Variants in MAP2K5 observed in about 807,000 individuals in gnomAD.
MAP2K5 encodes dual specificity mitogen-activated protein kinase kinase 5.
MAP2K5 carries 49 observed loss-of-function variants against 83.1 expected under a neutral mutation model. The observed-to-expected ratio is 0.59, with a 90% CI of 0.47 to 0.75. MAP2K5 has a LOEUF of 0.75. MAP2K5 is among the 30% of genes least tolerant of loss of function. The probability of loss-of-function intolerance (pLI) is 0.00; values close to 1 mark genes in which losing one functional copy is unlikely to be tolerated. For missense variants in MAP2K5, 457 were observed against 557.5 expected (o/e 0.82, Z 1.82); for synonymous variants, 202 against 191.8 (o/e 1.05, Z -0.44).
intron 21 of MAP2K5, among the ~76,000 whole-genome samples, chr15:67,795,652 C>A (rs186335031): frequency 6.6e-6 from 1 of 152,252 alleles, no homozygotes; most frequent in Non-Finnish European, 1.5e-5. Flanking sequence ...GTTTTTCCCC[C>A]CAGTGTTCTC....
intron 13 of MAP2K5, chr15:67,679,696 G>A (rs1293616936): frequency 6.6e-6 from 1 of 151,896 alleles, no homozygotes; most frequent in African/African-American, 2.4e-5. Flanking sequence ...TTTGTTATAG[G>A]GTAAGAGAGT....
intron 13 of MAP2K5, among the ~76,000 whole-genome samples, chr15:67,686,603 AAATAATAATAATAAT>A (rs57116318): frequency 2.8e-4 from 41 of 148,398 alleles, no homozygotes; most frequent in African/African-American, 4.7e-4. Context: ...ACTGTGTCTC[AAATAATAATAATAAT>A]AATAATAATA....
At chr15:67,740,334 G>A (rs543049602) in intron 17 of MAP2K5, among the ~76,000 whole-genome samples, 1 of 152,242 alleles carries the variant, frequency 6.6e-6, no homozygotes, top group African/African-American at 2.4e-5. Context: ...AAATCCTGAG[G>A]CTCTAAATCA....
chr15:67,638,656 C>T lies in MAP2K5; in HGVS notation c.586-7575C>T, dbSNP rs2086652352. ...CTTTGAGGAATCACTGCACTGTCTT[C>T]CACAATGGTTGAACTAATTTACACT... On this transcript the variant is annotated intron_variant, in intron 9 of 21. Coordinates refer to ENST00000178640, the MANE Select transcript of MAP2K5 (RefSeq NM_145160.3). This position sits in a 1 kb window ranked among gnomAD's most constrained non-coding sequence, Gnocchi z 4.5. Among the ~76,000 whole-genome samples, 1 of 152,204 alleles carries T rather than the reference C, an allele frequency of 6.6e-6. No homozygotes were observed. The highest frequency in any genetic ancestry group is 6.5e-5 in the Admixed American group (1 of 15,280).
intron 12 of MAP2K5, among the ~76,000 whole-genome samples, chr15:67,662,972 C>T (rs888772706): frequency 2.6e-5 from 4 of 152,100 alleles, no homozygotes; most frequent in African/African-American, 4.8e-5. Context: ...TTATTTTAAA[C>T]TTACAGAAAA....
At chr15:67,728,353 G>T (rs2089147326) in intron 17 of MAP2K5, among the ~76,000 whole-genome samples, 1 of 151,990 alleles carries the variant, frequency 6.6e-6, no homozygotes, top group Non-Finnish European at 1.5e-5. Flanking sequence ...CATTATTTTT[G>T]CTAGGCAAAT....
chr15:67,736,001 A>G lies in MAP2K5; in HGVS notation c.1074+8056A>G, dbSNP rs924387904. On this transcript the variant is annotated intron_variant, in intron 17 of 21. Transcript: ENST00000178640. The surrounding 1 kb of genome is among the most constrained non-coding windows in gnomAD (Gnocchi z 4.3). ...GTAAAAGATAAAGGTCTAAAACAGC[A>G]TATTATATTTGGTGTTGTTCCGGTA... Among the ~76,000 whole-genome samples the G allele has an allele frequency of 2.6e-5, 4 of 152,204 alleles. No homozygotes were observed. Among genetic ancestry groups the G allele is most frequent in the African/African-American group, 9.7e-5 (4 of 41,438 alleles).
intron 2 of MAP2K5, among the ~76,000 whole-genome samples, chr15:67,557,111 TCA>T (rs912171129): frequency 3.9e-4 from 60 of 152,320 alleles, no homozygotes; most frequent in African/African-American, 1.4e-3. Flanking sequence ...CTGCTGATTT[TCA>T]CAGTTTCATT....
In MAP2K5 at chr15:67,774,044, T is replaced by A. The variant is rs2141306904; in HGVS notation, c.1242+1292T>A. Among the ~76,000 whole-genome samples, 1 of 152,292 alleles carries A rather than the reference T, an allele frequency of 6.6e-6. No homozygotes were observed. Among genetic ancestry groups the A allele is most frequent in the South Asian group, 2.1e-4 (1 of 4,824 alleles). On this transcript the variant is annotated intron_variant, in intron 21 of 21. Transcript: ENST00000178640. The surrounding 1 kb of genome is among the most constrained non-coding windows in gnomAD (Gnocchi z 4.9). The stretch of plus-strand genomic sequence containing the variant: ...AAATAAAACATCTGCAGATCACACA[T>A]ACGCCCATAAATGTATATGGATGTA...
At chr15:67,718,368 A>C (rs1412259461) in intron 16 of MAP2K5, among the ~76,000 whole-genome samples, 1 of 152,170 alleles carries the variant, frequency 6.6e-6, no homozygotes, top group Non-Finnish European at 1.5e-5. Context: ...AAACTTTTTA[A>C]AAGGGTGTTA....
intron 12 of MAP2K5, chr15:67,659,269 G>T: frequency 6.3e-6 from 1 of 158,422 alleles, no homozygotes; most frequent in Non-Finnish European, 1.4e-5. Context: ...GTCATGGGGT[G>T]GTGTGATAGT....
chr15:67,657,125 A>C (rs1455102580), intron 11 of MAP2K5, among the ~76,000 whole-genome samples: 1 of 152,198 alleles, frequency 6.6e-6, no homozygotes, highest in Admixed American at 6.5e-5. Context: ...GAACCACCTC[A>C]AAATTAGATT....
chr15:67,795,454 TTTTCAATTTCAATTAGGAC>T (rs1172519364), intron 21 of MAP2K5, among the ~76,000 whole-genome samples: 1 of 152,248 alleles, frequency 6.6e-6, no homozygotes, highest in African/African-American at 2.4e-5. Context: ...TTCTAAGTAA[TTTTCAATTTCAATTAGGAC>T]TTTTTTACAC....
At chr15:67,624,057 A>C (rs945965241) in intron 8 of MAP2K5, among the ~76,000 whole-genome samples, 3 of 150,758 alleles carry the variant, frequency 2.0e-5, no homozygotes, top group Non-Finnish European at 4.4e-5. Context: ...TGGGAGAGCT[A>C]GGCCGGGCGC....
intron 20 of MAP2K5, among the ~76,000 whole-genome samples, chr15:67,771,620 G>A (rs765730867): frequency 2.0e-5 from 3 of 152,168 alleles, no homozygotes; most frequent in Non-Finnish European, 2.9e-5. Flanking sequence ...CTCCACTGGC[G>A]AGACAGCTTG....
intron 16 of MAP2K5, among the ~76,000 whole-genome samples, chr15:67,725,701 A>G (rs551785101): frequency 1.3e-5 from 2 of 152,300 alleles, no homozygotes; most frequent in Middle Eastern, 3.4e-3. Context: ...CTAACTCCAA[A>G]TGGAAGTATA....
At chr15:67,709,682 T>TA (rs2088642397) in intron 16 of MAP2K5, among the ~76,000 whole-genome samples, 1 of 152,214 alleles carries the variant, frequency 6.6e-6, no homozygotes, top group Non-Finnish European at 1.5e-5. Context: ...TTTTACTAAG[T>TA]AATTATTCCA....
Position 67,779,989 on chromosome 15 carries a change from C to G in MAP2K5, c.1242+7237C>G, listed in dbSNP as rs2090302181. ...CCCTCAGCCTAAAAGAGCCTCCTCT[C>G]CCCTCCCCTGGAAGGTCTTGGTCCT... is the stretch of plus-strand genomic sequence containing the variant. On this transcript the variant is annotated intron_variant, in intron 21 of 21. Transcript: ENST00000178640. This position sits in a 1 kb window ranked among gnomAD's most constrained non-coding sequence, Gnocchi z 4.6. 6.6e-6 allele frequency among the ~76,000 whole-genome samples: 1 copy of G among 152,206 alleles called. No individual in the cohort carries two copies. Among genetic ancestry groups the G allele is most frequent in the African/African-American group, 2.4e-5 (1 of 41,452 alleles).
In MAP2K5 at chr15:67,576,103, G is replaced by C. The variant is rs1023212659; in HGVS notation, c.253-4651G>C. On this transcript the variant is annotated intron_variant, in intron 3 of 21. Transcript: ENST00000178640. ...GGCTAATTTTTATATTTTTAGTAGAGACAGGATTTAACCATGTTGGCCAGG... is the reference window on the plus strand; with the variant it reads ...GGCTAATTTTTATATTTTTAGTAGACACAGGATTTAACCATGTTGGCCAGG... Among the ~76,000 whole-genome samples the C allele has an allele frequency of 3.4e-5, 5 of 145,226 alleles. 1 individual carries two copies. The highest frequency in any genetic ancestry group is 6.9e-5 in the Admixed American group (1 of 14,570).
Sources: gnomAD v4.1 joint callset for allele counts (sites outside exome capture counted in the v4.1 genomes callset) on GRCh38, gnomAD v4.1.1 for gene constraint, Gnocchi (gnomAD v3.1) non-coding constraint, MANE v1.5 for transcripts, NCBI Gene and HGNC (gene_info 2026-07-23, HGNC 2026-07-21) for gene names.